Variants in DSE observed in about 807,000 individuals in gnomAD.
DSE encodes the protein dermatan sulfate epimerase, also known as dermatan-sulfate epimerase.
Under a neutral mutation model 84.4 loss-of-function variants are expected in DSE, and 36 were observed. The observed-to-expected ratio is 0.43, with a 90% confidence interval of 0.33 to 0.56. The LOEUF (loss-of-function observed/expected upper bound fraction) is 0.56, where lower values mean the gene tolerates loss of function less well. Ranked by LOEUF, DSE falls within the 20% of genes least tolerant of loss-of-function variation. The pLI, the probability that DSE is intolerant of heterozygous loss-of-function variation, is 0.06. For synonymous variants in DSE, 410 were observed against 430.1 expected (o/e 0.95, Z 0.58); for missense variants, 862 against 1,169.6 (o/e 0.74, Z 3.84).
chr6:116,280,106 C>T, intron 2 of DSE: 1 of 531,918 alleles, frequency 1.9e-6, no homozygotes, highest in Non-Finnish European at 3.5e-6. Context: ...GTCGATTGTG[C>T]TGAGTCTGGA....
At chr6:116,389,553 C>T (rs1780765446) in intron 1 of DSE, among the ~76,000 whole-genome samples, 1 of 152,156 alleles carries the variant, frequency 6.6e-6, no homozygotes, top group Admixed American at 6.5e-5. Flanking sequence ...CCCTCTTAAC[C>T]ATCTCACCAG....
chr6:116,336,241 TAGAC>T (rs1048153784), intron 2 of DSE, among the ~76,000 whole-genome samples: 6 of 152,338 alleles, frequency 3.9e-5, no homozygotes, highest in African/African-American at 1.2e-4. Context: ...CTTGATGACA[TAGAC>T]AGAATCTAAA....
At chr6:116,418,127 C>G (rs1458141714) in intron 2 of DSE, among the ~76,000 whole-genome samples, 1 of 152,080 alleles carries the variant, frequency 6.6e-6, no homozygotes, top group Non-Finnish European at 1.5e-5. Flanking sequence ...ATTCTATCCT[C>G]CCACAGAGAC....
At chr6:116,335,412 A>G (rs1447587444) in intron 2 of DSE, among the ~76,000 whole-genome samples, 1 of 152,202 alleles carries the variant, frequency 6.6e-6, no homozygotes, top group African/African-American at 2.4e-5. Context: ...GTTAGGAAAA[A>G]TAACTCATGA....
rs1784258504 is a variant in DSE, at chr6:116,437,438, C to T, written c.*93C>T. Reference sequence around the variant, plus strand: ...TACCCCAGATTATCAGATTTTTTTCCCTCAGATTCATTTTAACAAATTAAG... The same window carrying T: ...TACCCCAGATTATCAGATTTTTTTCTCTCAGATTCATTTTAACAAATTAAG... On this transcript the variant is annotated 3_prime_UTR_variant, in exon 6 of 6. Coordinates refer to ENST00000644252, the MANE Select transcript of DSE (RefSeq NM_013352.4). 8.4e-7 allele frequency: 1 copy of T among 1,192,996 alleles called. No individual in the cohort carries two copies. The highest frequency in any genetic ancestry group is 1.1e-6 in the Non-Finnish European group (1 of 881,966). 73.9% of individuals were successfully genotyped at this position (1,192,996 alleles called of 1,614,324 possible). A position where few individuals can be genotyped will look rare whatever the true frequency, so the allele number is the denominator to read the frequency against.
chr6:116,295,542 A>G (rs1379203025), intron 2 of DSE, among the ~76,000 whole-genome samples: 1 of 152,214 alleles, frequency 6.6e-6, no homozygotes, highest in Non-Finnish European at 1.5e-5. Flanking sequence ...AGAAACCACA[A>G]TACAGAAAAT....
chr6:116,420,295 C>T (rs1782986306), intron 2 of DSE, among the ~76,000 whole-genome samples: 1 of 152,118 alleles, frequency 6.6e-6, no homozygotes, highest in African/African-American at 2.4e-5. Flanking sequence ...GAAGCCCTAA[C>T]CCCTTATGTG....
At chr6:116,433,305 T>C in intron 4 of DSE, 38 bp from the exon 5 acceptor site, 1 of 1,545,000 alleles carries the variant, frequency 6.5e-7, no homozygotes, top group Non-Finnish European at 8.7e-7. Flanking sequence ...GTGTGAAGTT[T>C]TCAAAGTATC....
In DSE at chr6:116,437,423, T is replaced by C. The variant is rs551117502; in HGVS notation, c.*78T>C. On this transcript the variant is annotated 3_prime_UTR_variant, in exon 6 of 6. Coordinates refer to ENST00000644252, the MANE Select transcript of DSE (RefSeq NM_013352.4). Reference sequence around the variant, plus strand: ...AAAAAAAAATTTCTTTACCCCAGATTATCAGATTTTTTTCCCTCAGATTCA... The same window carrying C: ...AAAAAAAAATTTCTTTACCCCAGATCATCAGATTTTTTTCCCTCAGATTCA... 84 of 1,316,678 alleles carry C rather than the reference T, an allele frequency of 6.4e-5. No homozygotes were observed. In the South Asian group the frequency reaches 1.4e-3, roughly 22 times the overall value. The allele number at this position is 1,316,678 out of a possible 1,614,324, so 81.6% of individuals were successfully genotyped here. A position where few individuals can be genotyped will look rare whatever the true frequency, so the allele number is the denominator to read the frequency against.
chr6:116,330,251 C>T (rs1260936358), intron 2 of DSE, among the ~76,000 whole-genome samples: 1 of 152,122 alleles, frequency 6.6e-6, no homozygotes, highest in Non-Finnish European at 1.5e-5. Context: ...CTTTCACTGC[C>T]TGCATTTCTT....
rs1186578989 is a variant in DSE at position 116,279,081 on chromosome 6, G to T, written c.-54+20114G>T. On this transcript the variant is annotated intron_variant, in intron 2 of 3. Coordinates refer to the DSE transcript ENST00000430252. The stretch of plus-strand genomic sequence containing the variant: ...GCCCAAACTTGTGCTCCAGCTGTTG[G>T]AAGGCCCTGTCGGCCTGAGCATTCA... 1.9e-6 allele frequency: 3 copies of T among 1,613,502 alleles called. No individual in the cohort carries two copies. The South Asian group carries it at 3.3e-5, about 18-fold the overall frequency.
intron 2 of DSE, among the ~76,000 whole-genome samples, chr6:116,299,557 T>TATATATATAC (rs1562213648): frequency 1.4e-5 from 1 of 69,336 alleles, no homozygotes; most frequent in African/African-American, 5.2e-5. Context: ...TATATACACA[T>TATATATATAC]ACACACACAC....
At chr6:116,291,289 C>T (rs982357488) in intron 2 of DSE, among the ~76,000 whole-genome samples, 25 of 151,932 alleles carry the variant, frequency 1.6e-4, no homozygotes, top group African/African-American at 2.4e-4. Context: ...TTTGGGTGCA[C>T]AGAATAGGAA....
chr6:116,367,553 A>G (rs1164817132), upstream of DSE, among the ~76,000 whole-genome samples: 2 of 152,212 alleles, frequency 1.3e-5, no homozygotes, highest in African/African-American at 4.8e-5. Flanking sequence ...GGACGACAAC[A>G]ACAAAAAATA....
At chr6:116,424,759 T>C (rs1239384457) in intron 2 of DSE, among the ~76,000 whole-genome samples, 3 of 152,146 alleles carry the variant, frequency 2.0e-5, no homozygotes, top group Non-Finnish European at 4.4e-5. Flanking sequence ...AAATATTATT[T>C]TGGGAGGATG....
At chr6:116,340,373 T>C (rs946535451) in intron 2 of DSE, among the ~76,000 whole-genome samples, 1 of 152,170 alleles carries the variant, frequency 6.6e-6, no homozygotes, top group African/African-American at 2.4e-5. Context: ...AATATGCTAT[T>C]GAGGGCTTCT....
intron 2 of DSE, among the ~76,000 whole-genome samples, chr6:116,273,636 A>G (rs1174759145): frequency 6.6e-6 from 1 of 151,960 alleles, no homozygotes; most frequent in Admixed American, 6.6e-5. Context: ...TGTGCAGTAG[A>G]TGTTTTGAAT....
At chr6:116,377,187 G>T (rs766774725) in intron 1 of DSE, among the ~76,000 whole-genome samples, 13 of 152,244 alleles carry the variant, frequency 8.5e-5, no homozygotes, top group South Asian at 8.3e-4. Context: ...TCAGGGCTTT[G>T]CATTTTTTAT....
chr6:116,367,068 G>A (rs1247215692), upstream of DSE: 1 of 152,252 alleles, frequency 6.6e-6, no homozygotes, highest in African/African-American at 2.4e-5. Flanking sequence ...CAGCGGAGCA[G>A]TCTTGGTAAT....
Sources: gnomAD v4.1 joint callset for allele counts (sites outside exome capture counted in the v4.1 genomes callset) on GRCh38, gnomAD v4.1.1 for gene constraint, MANE v1.5 for transcripts, NCBI Gene and HGNC (gene_info 2026-07-23, HGNC 2026-07-21) for gene names.